CAD: variants seen among roughly 807,000 people sequenced by gnomAD.
CAD encodes the protein multifunctional protein CAD.
A neutral mutation model predicts 237.2 loss-of-function variants in CAD; 81 were observed. That is an observed-to-expected ratio of 0.34 (90% CI 0.29 to 0.41). The LOEUF is 0.41. CAD is among the 10% of genes least tolerant of loss of function. The pLI is 1.00. For missense variants in CAD, 2,181 were observed against 2,951.7 expected, an observed-to-expected ratio of 0.74 and a Z score of 6.05; for synonymous variants, 1,196 against 1,162.8, an observed-to-expected ratio of 1.03 and a Z score of -0.58.
chr2:27,226,443 A>G (rs1558532153), intron 13 of CAD, 82 bp from the exon 14 acceptor site: 1 of 1,562,900 alleles, frequency 6.4e-7, no homozygotes, highest in Admixed American at 1.7e-5. Flanking sequence ...AATCTTCTTT[A>G]CTAGGTTACT....
chr2:27,223,883 C>A lies in CAD; in HGVS notation c.996-34C>A, dbSNP rs1205764065. 1.9e-6 allele frequency: 3 copies of A among 1,573,794 alleles called. No individual in the cohort carries two copies. The African/African-American group carries it at 4.0e-5, about 21-fold the overall frequency. On this transcript the variant is annotated intron_variant, in intron 7 of 43. Coordinates refer to ENST00000264705, the MANE Select transcript of CAD (RefSeq NM_004341.5). Reference sequence around the variant, plus strand: ...AGGCTGCCAGTGTCATGCCAGGGACCATGATGGTTTTCATGATGCAATCTC... The same window carrying A: ...AGGCTGCCAGTGTCATGCCAGGGACAATGATGGTTTTCATGATGCAATCTC...
At chr2:27,219,151 T>C (rs189865639) in intron 2 of CAD, among the ~76,000 whole-genome samples, 20 of 152,320 alleles carry the variant, frequency 1.3e-4, no homozygotes, top group Admixed American at 7.8e-4. Context: ...CACATATAAA[T>C]GGATTACTCC....
chr2:27,232,051 C>T lies in CAD; in HGVS notation c.2472C>T (p.Asp824=), dbSNP rs1233458525. 4 of 1,614,226 alleles carry T rather than the reference C, an allele frequency of 2.5e-6. No individual in the cohort carries two copies. Among genetic ancestry groups the T allele is most frequent in the Non-Finnish European group, 3.4e-6 (4 of 1,180,044 alleles). The change falls in exon 17 of 44, where the codon GAC becomes GAT. Residue 824 remains aspartate, a synonymous_variant. Coordinates refer to ENST00000264705, the MANE Select transcript of CAD (RefSeq NM_004341.5). This position sits in a 1 kb window ranked among gnomAD's most constrained non-coding sequence, Gnocchi z 4.1. The stretch of plus-strand genomic sequence containing the variant: ...CTTTGTGGGCTGGTTATTCAGTGGA[C>T]CGCCTGTATGAGCTCACACGCATCG... ...AAALWAGYSV[D]RLYELTRIDR...
Position 27,239,756 on chromosome 2 carries a change from T to C in CAD, c.5454T>C (p.Pro1818=). The C allele has an allele frequency of 6.3e-7, 1 of 1,590,428 alleles. No individual in the cohort carries two copies. The highest frequency in any genetic ancestry group is 1.8e-5 in the Admixed American group (1 of 56,486). The change falls in exon 34 of 44, where the codon CCT becomes CCC. Residue 1818 remains proline, a synonymous_variant. Coordinates refer to ENST00000264705, the MANE Select transcript of CAD (RefSeq NM_004341.5). This position sits in a 1 kb window ranked among gnomAD's most constrained non-coding sequence, Gnocchi z 4.0. ...DVRKWPQGAV[P]QLPPSAPATS... ...GGAAGTGGCCACAGGGGGCTGTTCC[T>C]CAGCTCCCACCCTCAGCCCCTGCCA...
At position 27,242,363 on chromosome 2, in the gene CAD, C is replaced by G; in HGVS notation, c.6158C>G (p.Pro2053Arg). Residue 2053 changes from proline (P) to arginine (R), a missense_variant, in exon 40 of 44, where the codon CCC becomes CGC. Around this residue, in one of 12 missense-constraint regions of CAD, gnomAD observed 203 missense variants for 284.5 expected, o/e 0.71. Coordinates refer to ENST00000264705, the MANE Select transcript of CAD (RefSeq NM_004341.5). This position sits in a 1 kb window ranked among gnomAD's most constrained non-coding sequence, Gnocchi z 6.4. ...INAGDGVGEH[P>R]TQALLDIFTI... ...GCTGGGGATGGGGTCGGAGAGCACC[C>G]CACCCAGGCCCTGCTGGACATCTTC... 4 of 1,614,032 alleles carry G rather than the reference C, an allele frequency of 2.5e-6. No homozygotes were observed. The highest frequency in any genetic ancestry group is 3.4e-6 in the Non-Finnish European group (4 of 1,179,954).
rs1286210201 is a variant in CAD, at chr2:27,235,391, C to T, written c.3933C>T (p.Pro1311=). ...TGCTAAGCACTGGCTTTAAGATCCC[C>T]AAGAAGAATATCCTGCTGACCATTG... ...KAMLSTGFKI[P]KKNILLTIGS... The change falls in exon 24 of 44, where the codon CCC becomes CCT. Residue 1311 remains proline, a synonymous_variant. Transcript: ENST00000264705. The surrounding 1 kb of genome is among the most constrained non-coding windows in gnomAD (Gnocchi z 5.2). 1.9e-6 allele frequency: 3 copies of T among 1,613,282 alleles called. No homozygotes were observed. Among genetic ancestry groups the T allele is most frequent in the Non-Finnish European group, 2.5e-6 (3 of 1,179,604 alleles).
rs768762689 is a variant in CAD at position 27,222,209 on chromosome 2, A to T, written c.368A>T (p.Glu123Val). Reference sequence around the variant, plus strand: ...ATTTTGACAGGAGTAGACACTCGGGAGCTGACCAAGAAGTTGCGGGAACAG... The same window carrying T: ...ATTTTGACAGGAGTAGACACTCGGGTGCTGACCAAGAAGTTGCGGGAACAG... ...IPGLQGVDTR[E>V]LTKKLREQGS... Residue 123 changes from glutamate to valine, a missense_variant, in exon 4 of 44, where the codon GAG (glutamate) becomes GTG (valine). Physicochemically the swap from Glu to Val is moderately radical, Grantham distance 121. Coordinates refer to ENST00000264705, the MANE Select transcript of CAD (RefSeq NM_004341.5). 34 of 1,613,830 alleles carry T rather than the reference A, an allele frequency of 2.1e-5. No homozygotes were observed. The highest frequency in any genetic ancestry group is 2.5e-5 in the Non-Finnish European group (30 of 1,179,944).
At position 27,241,232 on chromosome 2, in the gene CAD, C is replaced by G. The variant is rs1007920173; in HGVS notation, c.5808+5C>G. ...CAGCAGTTCACCAAGGATCAGGTGC[C>G]TGGGGCAGGGAGGATGGGACCACCC... On this transcript the variant is annotated splice_donor_5th_base_variant and intron_variant, in intron 37 of 43. Coordinates refer to ENST00000264705, the MANE Select transcript of CAD (RefSeq NM_004341.5). The surrounding 1 kb of genome is among the most constrained non-coding windows in gnomAD (Gnocchi z 4.6). The G allele has an allele frequency of 1.2e-6, 2 of 1,612,096 alleles. No homozygotes were observed. The highest frequency in any genetic ancestry group is 2.7e-5 in the African/African-American group (2 of 74,860).
At position 27,224,501 on chromosome 2, in the gene CAD, T is replaced by A; in HGVS notation, c.1254+11T>A. On this transcript the variant is annotated intron_variant, in intron 9 of 43. Transcript: ENST00000264705. ...TACTCGGGCTCTCAGGTGAGGCATGTTCCTCCCCACCCTTCTGGGCGTGTG... is the reference window on the plus strand; with the variant it reads ...TACTCGGGCTCTCAGGTGAGGCATGATCCTCCCCACCCTTCTGGGCGTGTG... 6.2e-7 allele frequency: 1 copy of A among 1,613,226 alleles called. No homozygotes were observed. The highest frequency in any genetic ancestry group is 8.5e-7 in the Non-Finnish European group (1 of 1,179,446).
At chr2:27,224,528 C>T (rs746631155) in intron 9 of CAD, 38 bp downstream of exon 9, 4 of 1,604,084 alleles carry the variant, frequency 2.5e-6, no homozygotes, top group Non-Finnish European at 2.6e-6. Context: ...GGGCGTGTGA[C>T]CCTCAAGAAT....
intron 1 of CAD, 62 bp downstream of exon 1, chr2:27,217,695 C>A (rs1674934458): frequency 1.4e-6 from 2 of 1,460,204 alleles, no homozygotes; most frequent in African/African-American, 1.4e-5. Flanking sequence ...CTCCTCCCAA[C>A]CTTCCCCGTC....
Position 27,235,866 on chromosome 2 carries a change from GC to G in CAD, c.4074+227del. On this transcript the variant is annotated intron_variant, in intron 25 of 43. Transcript: ENST00000264705. This position sits in a 1 kb window ranked among gnomAD's most constrained non-coding sequence, Gnocchi z 5.2. ...ACTCCAGCTTGGGAAACAGTGAGAT[GC>G]TGTCTCAAAAAAAAAAAAAACAAAG... 1 of 476,366 alleles carries G rather than the reference GC, an allele frequency of 2.1e-6. No homozygotes were observed. The highest frequency in any genetic ancestry group is 2.2e-5 in the African/African-American group (1 of 44,796). 29.5% of individuals were successfully genotyped at this position (476,366 alleles called of 1,614,324 possible).
chr2:27,240,973 C>T lies in CAD; in HGVS notation c.5638+18C>T, dbSNP rs371586930. On this transcript the variant is annotated intron_variant, in intron 36 of 43. Coordinates refer to ENST00000264705, the MANE Select transcript of CAD (RefSeq NM_004341.5). The surrounding 1 kb of genome is among the most constrained non-coding windows in gnomAD (Gnocchi z 4.6). ...CGAGCCAGGTGAGACTCCACCCTGA[C>T]ACACACTCACCTCGGGGACCTCTGA... 3 of 1,614,086 alleles carry T rather than the reference C, an allele frequency of 1.9e-6. No individual in the cohort carries two copies. The highest frequency in any genetic ancestry group is 2.5e-6 in the Non-Finnish European group (3 of 1,179,986).
chr2:27,217,712 C>T (rs1674935680), intron 1 of CAD, 79 bp downstream of exon 1: 1 of 1,433,060 alleles, frequency 7.0e-7, no homozygotes, highest in Non-Finnish European at 9.4e-7. Context: ...CGTCCAGACC[C>T]CGCCATTTTC....
In CAD at chr2:27,222,853, C is replaced by T. The variant is rs762098110; in HGVS notation, c.638-13C>T. ...AATACTGATTTTGATGTCATCTTTT[C>T]TGCCCACTCCAGAGTATGAGGGTCT... is the stretch of plus-strand genomic sequence containing the variant. On this transcript the variant is annotated splice_polypyrimidine_tract_variant and intron_variant, in intron 5 of 43. Transcript: ENST00000264705. 14 of 1,612,832 alleles carry T rather than the reference C, an allele frequency of 8.7e-6. No individual in the cohort carries two copies. The East Asian group carries it at 2.2e-4, about 26-fold the overall frequency.
chr2:27,222,657 C>G lies in CAD; in HGVS notation c.634C>G (p.Gln212Glu). The G allele has an allele frequency of 6.2e-7, 1 of 1,612,748 alleles. No individual in the cohort carries two copies. Reference protein sequence around the residue: ...VVPWDHALDSQEYEGLFLSNG... With the variant: ...VVPWDHALDSEEYEGLFLSNG... ...ACCCTGGGACCATGCACTAGACAGCCAAGGTGAGTAGCTGGGGCCTGTTCA... is the reference window on the plus strand; with the variant it reads ...ACCCTGGGACCATGCACTAGACAGCGAAGGTGAGTAGCTGGGGCCTGTTCA... Residue 212 changes from glutamine to glutamate, a missense_variant, in exon 5 of 44, where the codon CAA (glutamine) becomes GAA (glutamate). Transcript: ENST00000264705.
Position 27,241,531 on chromosome 2 carries a change from C to A in CAD, c.5883+135C>A. On this transcript the variant is annotated intron_variant, in intron 38 of 43. Transcript: ENST00000264705. This position sits in a 1 kb window ranked among gnomAD's most constrained non-coding sequence, Gnocchi z 4.6. ...CCCCTTATGCTAGTCCATCCCTCTG[C>A]TGCTGTAGATCTTCCCCCACGTTTT... is the stretch of plus-strand genomic sequence containing the variant. 1.2e-6 allele frequency: 1 copy of A among 853,342 alleles called. No individual in the cohort carries two copies. Among genetic ancestry groups the A allele is most frequent in the Non-Finnish European group, 1.9e-6 (1 of 525,292 alleles). 52.9% of individuals were successfully genotyped at this position (853,342 alleles called of 1,614,324 possible).
rs1676314757 is a variant in CAD at position 27,241,492 on chromosome 2, C to T, written c.5883+96C>T. The T allele has an allele frequency of 1.9e-5, 21 of 1,120,452 alleles. No individual in the cohort carries two copies. The highest frequency in any genetic ancestry group is 6.3e-5 in the South Asian group (5 of 78,998). The allele number at this position is 1,120,452 out of a possible 1,614,324, so 69.4% of individuals were successfully genotyped here. The stretch of plus-strand genomic sequence containing the variant: ...CAGTGGTCAGAGTGGGTCTTCCTCC[C>T]CCTGCCATCCCGTCCCCTTATGCTA... On this transcript the variant is annotated intron_variant, in intron 38 of 43. Transcript: ENST00000264705. This position sits in a 1 kb window ranked among gnomAD's most constrained non-coding sequence, Gnocchi z 4.6.
intron 13 of CAD, 43 bp downstream of exon 13, chr2:27,226,362 C>A (rs1558532054): frequency 1.0e-5 from 16 of 1,591,398 alleles, no homozygotes; most frequent in African/African-American, 1.3e-5. Flanking sequence ...TTGTTACCCC[C>A]TCTTCTTGTA....
Sources: gnomAD v4.1 joint callset for allele counts (sites outside exome capture counted in the v4.1 genomes callset) on GRCh38, gnomAD v4.1.1 for gene constraint, gnomAD v4.1.1 regional missense constraint, Gnocchi (gnomAD v3.1) non-coding constraint, MANE v1.5 for transcripts, NCBI Gene and HGNC (gene_info 2026-07-23, HGNC 2026-07-21) for gene names.